Variants in NCAM2 observed in about 807,000 individuals in gnomAD.
The protein encoded by NCAM2 is N-CAM-2.
NCAM2 carries 30 observed loss-of-function variants against 98.1 expected under a neutral mutation model. That is an observed-to-expected ratio of 0.31 (90% CI 0.23 to 0.41). The LOEUF is 0.41. Among genes scored for constraint, NCAM2 ranks in the 10% least tolerant of loss-of-function variants. The pLI, the probability that NCAM2 is intolerant of heterozygous loss-of-function variation, is 1.00. For missense variants in NCAM2, 867 were observed against 1,005.8 expected (o/e 0.86, Z 1.87); for synonymous variants, 368 against 342.4 (o/e 1.07, Z -0.83).
chr21:21,351,940 G>T (rs1284421915), intron 8 of NCAM2, among the ~76,000 whole-genome samples: 2 of 151,960 alleles, frequency 1.3e-5, no homozygotes, highest in African/African-American at 2.4e-5. Context: ...ACTAGAGACA[G>T]GGTTTCACCA....
chr21:21,156,316 A>G (rs1260924581), intron 1 of NCAM2, among the ~76,000 whole-genome samples: 3 of 152,088 alleles, frequency 2.0e-5, no homozygotes, highest in Admixed American at 6.6e-5. Context: ...TTTATTTTGG[A>G]CACATTCAAA....
chr21:21,541,447 T>C lies in NCAM2; in HGVS notation c.*3490T>C, dbSNP rs2146447594. 1 of 151,826 alleles carries C rather than the reference T, an allele frequency of 6.6e-6. No individual in the cohort carries two copies. Among genetic ancestry groups the C allele is most frequent in the South Asian group, 2.1e-4 (1 of 4,816 alleles). 9.4% of individuals were successfully genotyped at this position (151,826 alleles called of 1,614,324 possible). A position where few individuals can be genotyped will look rare whatever the true frequency, so the allele number is the denominator to read the frequency against. Reference sequence around the variant, plus strand: ...AAACAATTCTTTTTATACACACACATGAAATATTCTTAATCTGTTCTGTAT... The same window carrying C: ...AAACAATTCTTTTTATACACACACACGAAATATTCTTAATCTGTTCTGTAT... On this transcript the variant is annotated 3_prime_UTR_variant, in exon 18 of 18. Coordinates refer to ENST00000400546, the MANE Select transcript of NCAM2 (RefSeq NM_004540.5).
Position 21,491,782 on chromosome 21 carries a change from C to T in NCAM2, c.2077+14311C>T, listed in dbSNP as rs1986866404. 2.0e-5 allele frequency among the ~76,000 whole-genome samples: 3 copies of T among 151,132 alleles called. No homozygotes were observed. The South Asian group carries it at 6.2e-4, about 31-fold the overall frequency. On this transcript the variant is annotated intron_variant, in intron 15 of 17. Coordinates refer to ENST00000400546, the MANE Select transcript of NCAM2 (RefSeq NM_004540.5). ...TTTTAATATATACATTATTATACAC[C>T]TTTTGAAACATGCTTGTGTATATTT...
rs183782103 is a variant in NCAM2, at chr21:21,494,318, G to T, written c.2078-14533G>T. Reference sequence around the variant, plus strand: ...ATAGTCTAGGAAAATAATTTTGTTTGTACAATGAAAATATATTTTTCATTT... The same window carrying T: ...ATAGTCTAGGAAAATAATTTTGTTTTTACAATGAAAATATATTTTTCATTT... On this transcript the variant is annotated intron_variant, in intron 15 of 17. Transcript: ENST00000400546. Among the ~76,000 whole-genome samples, 83 of 151,906 alleles carry T rather than the reference G, an allele frequency of 5.5e-4. 2 individuals are homozygous for T. The East Asian group carries it at 0.01, about 18-fold the overall frequency.
chr21:21,008,652 A>G (rs2064152343), intron 1 of NCAM2, among the ~76,000 whole-genome samples: 1 of 152,204 alleles, frequency 6.6e-6, no homozygotes, highest in Non-Finnish European at 1.5e-5. Context: ...TTTTACTCAC[A>G]TCCATGAAGC....
intron 1 of NCAM2, among the ~76,000 whole-genome samples, chr21:21,053,363 T>C (rs2065149247): frequency 6.6e-6 from 1 of 151,962 alleles, no homozygotes; most frequent in Non-Finnish European, 1.5e-5. Flanking sequence ...TGTTATTCCT[T>C]ACTTGTGTAT....
chr21:21,138,344 C>T (rs1255295627), intron 1 of NCAM2, among the ~76,000 whole-genome samples: 1 of 152,202 alleles, frequency 6.6e-6, no homozygotes, highest in East Asian at 1.9e-4. Flanking sequence ...AAAAACAAGA[C>T]AAAGCCAGGG....
chr21:21,352,800 G>C (rs2075376963), intron 8 of NCAM2, among the ~76,000 whole-genome samples: 1 of 118,974 alleles, frequency 8.4e-6, no homozygotes, highest in Non-Finnish European at 1.7e-5. Context: ...AAAACTTAAA[G>C]TATAAAAAAA....
chr21:21,053,002 T>G (rs1286865524), intron 1 of NCAM2, among the ~76,000 whole-genome samples: 1 of 152,092 alleles, frequency 6.6e-6, no homozygotes, highest in Non-Finnish European at 1.5e-5. Flanking sequence ...TGTTTATGCT[T>G]TAAGAGCATG....
At chr21:21,530,099 T>G (rs941938033) in intron 16 of NCAM2, among the ~76,000 whole-genome samples, 4 of 126,216 alleles carry the variant, frequency 3.2e-5, no homozygotes, top group African/African-American at 1.2e-4. Flanking sequence ...TTTAATTTAA[T>G]TATATATAAT....
chr21:21,160,296 T>C lies in NCAM2; in HGVS notation c.56-120282T>C, dbSNP rs79282597. ...AATGCCACTGATCTATATGCTTCTA[T>C]AATATATAATTATCTATATACTTCT... On this transcript the variant is annotated intron_variant, in intron 1 of 17. Coordinates refer to ENST00000400546, the MANE Select transcript of NCAM2 (RefSeq NM_004540.5). Among the ~76,000 whole-genome samples, 1,516 of 152,024 alleles carry C rather than the reference T, an allele frequency of 1.0e-2. 61 individuals are homozygous for C. In the East Asian group the frequency reaches 0.15, roughly 15 times the overall value.
At chr21:21,017,144 G>A (rs560080774) in intron 1 of NCAM2, among the ~76,000 whole-genome samples, 4 of 152,090 alleles carry the variant, frequency 2.6e-5, no homozygotes, top group African/African-American at 9.6e-5. Context: ...ATAGAAATGG[G>A]GCTGGGTGCC....
intron 1 of NCAM2, among the ~76,000 whole-genome samples, chr21:21,058,668 G>GA (rs2065260715): frequency 2.0e-5 from 1 of 50,350 alleles, no homozygotes; most frequent in Non-Finnish European, 5.2e-5. Context: ...ATTCACACAG[G>GA]ATTTTTTTTT....
intron 1 of NCAM2, among the ~76,000 whole-genome samples, chr21:21,145,208 G>A (rs2067246783): frequency 6.6e-6 from 1 of 152,032 alleles, no homozygotes; most frequent in Admixed American, 6.5e-5. Flanking sequence ...GGGTTTTGAA[G>A]CCCATGCTAA....
intron 1 of NCAM2, among the ~76,000 whole-genome samples, chr21:21,061,203 C>T (rs9680265): frequency 0.063 from 9,531 of 152,042 alleles, 702 homozygotes; most frequent in African/African-American, 0.18. Context: ...TTGATATTTC[C>T]GTTCTAAAAG....
intron 9 of NCAM2, among the ~76,000 whole-genome samples, chr21:21,374,566 C>T (rs1292841465): frequency 6.6e-6 from 1 of 151,764 alleles, no homozygotes; most frequent in Admixed American, 6.6e-5. Context: ...TACATAACCA[C>T]GTGAGTTTTG....
intron 12 of NCAM2, among the ~76,000 whole-genome samples, chr21:21,453,922 C>A (rs1263845659): frequency 1.3e-5 from 2 of 151,740 alleles, no homozygotes; most frequent in Non-Finnish European, 2.9e-5. Context: ...TGTTTTTATT[C>A]TTGAAATACA....
intron 1 of NCAM2, among the ~76,000 whole-genome samples, chr21:21,188,269 G>A (rs1336446361): frequency 2.0e-5 from 3 of 152,120 alleles, no homozygotes; most frequent in African/African-American, 7.2e-5. Flanking sequence ...GTTAAGATCT[G>A]CTAACAGCTG....
Position 21,171,849 on chromosome 21 carries a change from T to A in NCAM2, c.56-108729T>A, listed in dbSNP as rs74476420. On this transcript the variant is annotated intron_variant, in intron 1 of 17. Coordinates refer to ENST00000400546, the MANE Select transcript of NCAM2 (RefSeq NM_004540.5). The stretch of plus-strand genomic sequence containing the variant: ...AGGTCAATATTCAATCAACAGAATT[T>A]TTTTTTTCGCTTGGTAGGTTAAATG... Among the ~76,000 whole-genome samples, 6 of 4,888 alleles carry A rather than the reference T, an allele frequency of 1.2e-3. No individual in the cohort carries two copies. The East Asian group carries it at 0.076, about 62-fold the overall frequency. 3.2% of individuals were successfully genotyped at this position (4,888 alleles called of 152,430 possible). A position where few individuals can be genotyped will look rare whatever the true frequency, so the allele number is the denominator to read the frequency against.
Sources: gnomAD v4.1 joint callset for allele counts (sites outside exome capture counted in the v4.1 genomes callset) on GRCh38, gnomAD v4.1.1 for gene constraint, MANE v1.5 for transcripts, NCBI Gene and HGNC (gene_info 2026-07-23, HGNC 2026-07-21) for gene names.